The following CCDC40 variants were observed in gnomAD, a reference collection of about 807,000 sequenced individuals.
CCDC40 encodes coiled-coil domain 40 molecular ruler complex subunit, also known as coiled-coil domain-containing protein 40.
A neutral mutation model predicts 124.5 loss-of-function variants in CCDC40; 104 were observed. The ratio of observed to expected loss-of-function variants is 0.84; its 90% confidence interval spans 0.71 to 0.98. The LOEUF (loss-of-function observed/expected upper bound fraction) is 0.98. Ranked by LOEUF, CCDC40 falls within the 50% of genes least tolerant of loss-of-function variation. The pLI is 0.00. For missense variants in CCDC40, 1,463 were observed against 1,503.9 expected (o/e 0.97, Z 0.45); for synonymous variants, 580 against 602.9 (o/e 0.96, Z 0.56).
rs2038594733 is a variant in CCDC40 at position 80,086,649 on chromosome 17, A to C, written c.2449+433A>C. ...GGCTCCCCAACCCTTCTGAGGCCCA[A>C]GGGGCTGCCAAAGCACCAGGGTGCC... On this transcript the variant is annotated intron_variant, in intron 14 of 19. Coordinates refer to ENST00000397545, the MANE Select transcript of CCDC40 (RefSeq NM_017950.4). The surrounding 1 kb of genome is among the most constrained non-coding windows in gnomAD (Gnocchi z 5.5). The C allele has an allele frequency of 8.0e-6, 2 of 250,064 alleles. No individual in the cohort carries two copies. The highest frequency in any genetic ancestry group is 1.6e-5 in the Non-Finnish European group (2 of 126,284). 15.5% of individuals were successfully genotyped at this position (250,064 alleles called of 1,614,324 possible).
At chr17:80,060,282 C>A (rs2037863682) in intron 9 of CCDC40, among the ~76,000 whole-genome samples, 1 of 152,034 alleles carries the variant, frequency 6.6e-6, no homozygotes, top group African/African-American at 2.4e-5. Flanking sequence ...GTGGTGCACA[C>A]CTGTAATCCC....
At chr17:80,099,222 C>T (rs2038867887) in intron 19 of CCDC40, among the ~76,000 whole-genome samples, 3 of 151,748 alleles carry the variant, frequency 2.0e-5, no homozygotes, top group South Asian at 2.1e-4. Context: ...ACCCGGGAGG[C>T]GGAGCTTGCA....
intron 10 of CCDC40, chr17:80,067,168 T>G: frequency 4.3e-6 from 1 of 230,580 alleles, no homozygotes; most frequent in Non-Finnish European, 8.5e-6. Flanking sequence ...AGACGTCACC[T>G]CCGAGATGGT....
chr17:80,061,486 T>C (rs2143660345), intron 9 of CCDC40, among the ~76,000 whole-genome samples: 1 of 152,316 alleles, frequency 6.6e-6, no homozygotes, highest in African/African-American at 2.4e-5. Context: ...AATCCGGGGT[T>C]GTGAAGAGAG....
intron 5 of CCDC40, 87 bp from the exon 6 acceptor site, chr17:80,049,819 G>C (rs1176695526): frequency 2.7e-6 from 3 of 1,103,130 alleles, no homozygotes; most frequent in Non-Finnish European, 4.2e-6. Flanking sequence ...CCCACCGGAG[G>C]GAGACCTGTG....
rs192026179 is a variant in CCDC40, at chr17:80,058,996, G to A, written c.1440+16G>A. 410 of 1,614,172 alleles carry A rather than the reference G, an allele frequency of 2.5e-4. 1 individual carries two copies. The African/African-American group carries it at 4.8e-3, about 19-fold the overall frequency. Reference sequence around the variant, plus strand: ...AGTGAGTGAGGTAAAAGCAGTCCCCGCAGCTCTCAGTGTTCGACCCTCCAG... The same window carrying A: ...AGTGAGTGAGGTAAAAGCAGTCCCCACAGCTCTCAGTGTTCGACCCTCCAG... On this transcript the variant is annotated intron_variant, in intron 9 of 19. Transcript: ENST00000397545. The surrounding 1 kb of genome is among the most constrained non-coding windows in gnomAD (Gnocchi z 4.2).
chr17:80,050,042 C>G, intron 6 of CCDC40, 22 bp from the exon 7 acceptor site: 1 of 1,613,748 alleles, frequency 6.2e-7, no homozygotes, highest in Non-Finnish European at 8.5e-7. Flanking sequence ...TCCTGGTGAC[C>G]CTGTTTCTCT....
At chr17:80,049,299 G>A (rs1009430482) in intron 5 of CCDC40, among the ~76,000 whole-genome samples, 1 of 151,926 alleles carries the variant, frequency 6.6e-6, no homozygotes, top group Non-Finnish European at 1.5e-5. Flanking sequence ...CTGTTACTCA[G>A]GAGGCTGAGG....
At position 80,048,262 on chromosome 17, in the gene CCDC40, G is replaced by A. The variant is rs192796885; in HGVS notation, c.677-321G>A. On this transcript the variant is annotated intron_variant, in intron 4 of 19. Coordinates refer to ENST00000397545, the MANE Select transcript of CCDC40 (RefSeq NM_017950.4). ...GCAACAGAGCAAGACTCTGTCTGGGGATAAAAAATATTGTATCCAATCCAC... is the reference window on the plus strand; with the variant it reads ...GCAACAGAGCAAGACTCTGTCTGGGAATAAAAAATATTGTATCCAATCCAC... The A allele has an allele frequency of 4.2e-4, 159 of 377,674 alleles. No homozygotes were observed. In the East Asian group the frequency reaches 9.4e-3, roughly 22 times the overall value. 23.4% of individuals were successfully genotyped at this position (377,674 alleles called of 1,614,324 possible).
intron 10 of CCDC40, chr17:80,067,777 C>G: frequency 6.8e-7 from 1 of 1,467,480 alleles, no homozygotes; most frequent in Non-Finnish European, 9.0e-7. Context: ...TTGTGACAGT[C>G]ACGCCCCCGG....
At position 80,073,798 on chromosome 17, in the gene CCDC40, C is replaced by T. The variant is rs573961882; in HGVS notation, c.1563-7748C>T. Among the ~76,000 whole-genome samples, 17 of 152,246 alleles carry T rather than the reference C, an allele frequency of 1.1e-4. No individual in the cohort carries two copies. The South Asian group carries it at 3.1e-3, about 28-fold the overall frequency. On this transcript the variant is annotated intron_variant, in intron 10 of 19. Transcript: ENST00000397545. ...GCAACCTCTACCTCCCGGGTTCAAG[C>T]GATTCTCCTGCCCCAGCCTCCCGAG...
At position 80,081,529 on chromosome 17, in the gene CCDC40, C is replaced by G. The variant is rs373899109; in HGVS notation, c.1563-17C>G. ...ATGTCTCACACGTAACTGGCTCTCC[C>G]CGCTGCATTTCTACAGAGGATGCCA... On this transcript the variant is annotated splice_polypyrimidine_tract_variant and intron_variant, in intron 10 of 19. Transcript: ENST00000397545. 22 of 1,613,114 alleles carry G rather than the reference C, an allele frequency of 1.4e-5. No homozygotes were observed. In the African/African-American group the frequency reaches 2.9e-4, roughly 22 times the overall value.
rs911194908 is a variant in CCDC40, at chr17:80,099,685, C to T, written c.3339C>T (p.Arg1113=). Residue 1113 remains arginine, a synonymous_variant, in exon 20 of 20, where the codon CGC becomes CGT. Transcript: ENST00000397545. The part of the protein sequence containing the change: ...RLALIATILD[R]VRDEYPQFQE... ...CTCTCATCGCCACCATCCTGGACCG[C>T]GTGCGGGACGAGTACCCCCAGTTCC... 15 of 1,613,774 alleles carry T rather than the reference C, an allele frequency of 9.3e-6. No individual in the cohort carries two copies. The highest frequency in any genetic ancestry group is 2.7e-5 in the African/African-American group (2 of 74,916).
Position 80,100,190 on chromosome 17 carries a change from G to A in CCDC40, c.*415G>A, listed in dbSNP as rs886053539. The A allele has an allele frequency of 1.8e-5, 5 of 281,976 alleles. No individual in the cohort carries two copies. The highest frequency in any genetic ancestry group is 1.4e-5 in the Non-Finnish European group (2 of 143,874). The allele number at this position is 281,976 out of a possible 1,614,324, so 17.5% of individuals were successfully genotyped here. ...AAGGCAGCTCCAGCCAGCCTGGCCC[G>A]GGAGGCTGGTCCCCCCAGCACTTCC... On this transcript the variant is annotated 3_prime_UTR_variant, in exon 20 of 20. Coordinates refer to ENST00000397545, the MANE Select transcript of CCDC40 (RefSeq NM_017950.4).
chr17:80,072,958 C>T (rs1021305570), intron 10 of CCDC40, among the ~76,000 whole-genome samples: 2 of 151,858 alleles, frequency 1.3e-5, no homozygotes, highest in Non-Finnish European at 2.9e-5. Context: ...CAGTGTGCCT[C>T]GCTTTCTCCT....
At chr17:80,089,938 C>G in intron 17 of CCDC40, 54 bp downstream of exon 17, 1 of 1,604,800 alleles carries the variant, frequency 6.2e-7, no homozygotes, top group East Asian at 2.2e-5. Flanking sequence ...CCCTTGGGCT[C>G]TGGAGACCTG....
At chr17:80,042,694 A>C (rs2037313450) in intron 3 of CCDC40, among the ~76,000 whole-genome samples, 1 of 152,160 alleles carries the variant, frequency 6.6e-6, no homozygotes, top group East Asian at 1.9e-4. Context: ...CGCCAGCACC[A>C]TGTTGAATAG....
At chr17:80,097,859 C>G (rs2038837784) in intron 19 of CCDC40, 1 of 192,108 alleles carries the variant, frequency 5.2e-6, no homozygotes, top group Non-Finnish European at 1.1e-5. Context: ...AAGGTTGTAC[C>G]ACTGCACTCC....
intron 17 of CCDC40, among the ~76,000 whole-genome samples, chr17:80,093,518 C>CTTT (rs773036893): frequency 1.7e-4 from 23 of 139,282 alleles, no homozygotes; most frequent in African/African-American, 5.3e-4. Flanking sequence ...TCTTATTTCT[C>CTTT]TTTTTTTTTT....
Sources: allele counts gnomAD v4.1 joint callset (sites outside exome capture counted in the v4.1 genomes callset), GRCh38; gene constraint gnomAD v4.1.1; non-coding constraint Gnocchi (gnomAD v3.1); transcripts MANE v1.5; gene names NCBI Gene and HGNC (gene_info 2026-07-23, HGNC 2026-07-21).